SLC25A13: variants seen among roughly 807,000 people sequenced by gnomAD.
The protein encoded by SLC25A13 is electrogenic aspartate/glutamate antiporter SLC25A13, mitochondrial.
In SLC25A13, 70 loss-of-function variants were observed where a neutral mutation model predicts 85.5. The ratio of observed to expected loss-of-function variants is 0.82; its 90% CI spans 0.68 to 1.00. The LOEUF is 1.00. Ranked by LOEUF, SLC25A13 falls within the 50% of genes least tolerant of loss-of-function variation. The probability of loss-of-function intolerance (pLI) is 0.00; values close to 1 mark genes in which losing one functional copy is unlikely to be tolerated. For missense variants in SLC25A13, 765 were observed against 819.8 expected, an observed-to-expected ratio of 0.93 and a Z score of 0.82; for synonymous variants, 259 against 288.7, an observed-to-expected ratio of 0.90 and a Z score of 1.04.
chr7:96,295,866 A>G (rs1251300445), intron 2 of SLC25A13, among the ~76,000 whole-genome samples: 1 of 150,922 alleles, frequency 6.6e-6, no homozygotes, highest in Non-Finnish European at 1.5e-5. Flanking sequence ...GTTATTAATA[A>G]TATATCATAT....
At chr7:96,221,306 G>A (rs1225221003) in intron 4 of SLC25A13, among the ~76,000 whole-genome samples, 1 of 152,046 alleles carries the variant, frequency 6.6e-6, no homozygotes, top group African/African-American at 2.4e-5. Flanking sequence ...GTTCTTATTC[G>A]AAATTCTTAC....
intron 14 of SLC25A13, among the ~76,000 whole-genome samples, chr7:96,142,247 A>G (rs1202622518): frequency 6.6e-6 from 1 of 152,132 alleles, no homozygotes; most frequent in Non-Finnish European, 1.5e-5. Flanking sequence ...AGTACCTGAA[A>G]GGAAGCTTTT....
At chr7:96,241,702 T>G (rs1278615712) in intron 3 of SLC25A13, among the ~76,000 whole-genome samples, 1 of 152,044 alleles carries the variant, frequency 6.6e-6, no homozygotes, top group African/African-American at 2.4e-5. Context: ...ATATACATAC[T>G]GCACTGTTCT....
At chr7:96,276,463 A>C (rs1218922023) in intron 3 of SLC25A13, among the ~76,000 whole-genome samples, 1 of 152,188 alleles carries the variant, frequency 6.6e-6, no homozygotes, top group Non-Finnish European at 1.5e-5. Context: ...CTCTACAAAA[A>C]AATACAAAAA....
chr7:96,236,955 T>C (rs1003226270), intron 3 of SLC25A13, among the ~76,000 whole-genome samples: 5 of 152,318 alleles, frequency 3.3e-5, no homozygotes, highest in African/African-American at 7.2e-5. Context: ...CTTTTGACGT[T>C]AGAGGGCCAA....
At chr7:96,320,073 C>T (rs1411010076) in intron 1 of SLC25A13, among the ~76,000 whole-genome samples, 1 of 152,204 alleles carries the variant, frequency 6.6e-6, no homozygotes, top group Non-Finnish European at 1.5e-5. Context: ...GGCACAATCT[C>T]GGCTCACTGC....
At chr7:96,165,126 T>A (rs958846387) in intron 13 of SLC25A13, among the ~76,000 whole-genome samples, 2 of 152,116 alleles carry the variant, frequency 1.3e-5, no homozygotes, top group Admixed American at 1.3e-4. Flanking sequence ...AATAAGAAGA[T>A]CCCTGCTTTT....
At chr7:96,289,318 C>T (rs993201281) in intron 2 of SLC25A13, among the ~76,000 whole-genome samples, 5 of 152,162 alleles carry the variant, frequency 3.3e-5, no homozygotes, top group African/African-American at 9.7e-5. Flanking sequence ...AAAAACAGAG[C>T]AGAAAAGCTG....
intron 4 of SLC25A13, among the ~76,000 whole-genome samples, chr7:96,225,533 G>GA (rs5885947): frequency 4.3e-4 from 57 of 132,432 alleles, no homozygotes; most frequent in African/African-American, 5.4e-4. Context: ...TGTTTCAAAA[G>GA]AAAAAAAAAA....
intron 5 of SLC25A13, among the ~76,000 whole-genome samples, chr7:96,195,571 C>T (rs983728560): frequency 1.3e-5 from 2 of 152,112 alleles, no homozygotes; most frequent in South Asian, 4.1e-4. Context: ...ACTCCCTCCC[C>T]CTCCATGGAA....
chr7:96,146,615 C>A lies in SLC25A13; in HGVS notation c.1393G>T (p.Gly465Cys), dbSNP rs372216502. The change falls in exon 14 of 18, where the codon GGT (glycine) becomes TGT (cysteine). Residue 465 changes from glycine to cysteine, a missense_variant. By Grantham distance (159) the Gly-to-Cys change is radical. Transcript: ENST00000265631. ...RLQVAGEITTGPRVSALSVVR... is the reference protein window; with the variant it reads ...RLQVAGEITTCPRVSALSVVR... ...ACAGACAGAGCACTGACTCGAGGAC[C>A]AGTGGTGATTTCTCCTGCCACTTGC... 1.1e-4 allele frequency: 181 copies of A among 1,613,690 alleles called. No homozygotes were observed. The highest frequency in any genetic ancestry group is 1.5e-4 in the Non-Finnish European group (179 of 1,180,004).
chr7:96,247,586 G>A (rs186846331), intron 3 of SLC25A13, among the ~76,000 whole-genome samples: 36 of 152,202 alleles, frequency 2.4e-4, no homozygotes, highest in Admixed American at 2.4e-3. Context: ...AAGGACTAGG[G>A]AGAATGCACT....
intron 13 of SLC25A13, 175 bp downstream of exon 13, chr7:96,169,870 C>A: frequency 1.5e-6 from 1 of 671,700 alleles, no homozygotes; most frequent in Non-Finnish European, 2.7e-6. Flanking sequence ...AACATTTACC[C>A]TTCCACCTCT....
At chr7:96,185,564 T>C (rs4729241) in intron 9 of SLC25A13, among the ~76,000 whole-genome samples, 69,266 of 150,438 alleles carry the variant, frequency 0.46, 17,155 homozygotes, top group African/African-American at 0.66. Context: ...CCACTGCACT[T>C]CAGCCTCGGC....
chr7:96,156,555 C>A (rs1170229662), intron 13 of SLC25A13, among the ~76,000 whole-genome samples: 1 of 152,006 alleles, frequency 6.6e-6, no homozygotes, highest in Non-Finnish European at 1.5e-5. Flanking sequence ...AGGTTCACAG[C>A]ATTCTCCTGC....
At chr7:96,221,542 T>C (rs1796131840) in intron 4 of SLC25A13, among the ~76,000 whole-genome samples, 1 of 152,204 alleles carries the variant, frequency 6.6e-6, no homozygotes, top group Admixed American at 6.5e-5. Context: ...TTTTCGAATA[T>C]TTCATTTTCG....
chr7:96,209,661 G>C (rs1283883256), intron 4 of SLC25A13, among the ~76,000 whole-genome samples: 1 of 152,120 alleles, frequency 6.6e-6, no homozygotes, highest in Non-Finnish European at 1.5e-5. Context: ...ATGGGCCACT[G>C]AATGTGCTGG....
intron 1 of SLC25A13, among the ~76,000 whole-genome samples, chr7:96,305,867 TG>T (rs1341084138): frequency 1.3e-5 from 2 of 152,174 alleles, no homozygotes; most frequent in Non-Finnish European, 2.9e-5. Context: ...CTCATCTAAC[TG>T]AAGCACGTCA....
At chr7:96,198,170 C>T (rs997518143) in intron 5 of SLC25A13, among the ~76,000 whole-genome samples, 5 of 152,100 alleles carry the variant, frequency 3.3e-5, no homozygotes, top group African/African-American at 1.2e-4. Context: ...CATGACACTG[C>T]CACCCGGGAG....
Sources: gnomAD v4.1 joint callset for allele counts (sites outside exome capture counted in the v4.1 genomes callset) on GRCh38, gnomAD v4.1.1 for gene constraint, MANE v1.5 for transcripts, NCBI Gene and HGNC (gene_info 2026-07-23, HGNC 2026-07-21) for gene names.